The following TBC1D16 variants were observed in gnomAD, a reference collection of about 807,000 sequenced individuals.
The protein encoded by TBC1D16 is TBC1 domain family member 16.
TBC1D16 carries 58 observed loss-of-function variants against 74.7 expected under a neutral mutation model. The observed-to-expected ratio is 0.78, with a 90% CI of 0.63 to 0.97. The LOEUF is 0.97. TBC1D16 is among the 50% of genes least tolerant of loss of function. The probability of loss-of-function intolerance (pLI) is 0.00; values close to 1 mark genes in which losing one functional copy is unlikely to be tolerated. For synonymous variants in TBC1D16, 493 were observed against 474.7 expected (o/e 1.04, Z -0.50); for missense variants, 1,014 against 1,079.5 (o/e 0.94, Z 0.85).
Position 79,981,340 on chromosome 17 carries a change from G to A in TBC1D16, c.780-28522C>T, listed in dbSNP as rs905217228. On this transcript the variant is annotated intron_variant, in intron 3 of 11. Coordinates refer to ENST00000310924, the MANE Select transcript of TBC1D16 (RefSeq NM_019020.4). This position sits in a 1 kb window ranked among gnomAD's most constrained non-coding sequence, Gnocchi z 6.9. Reference sequence around the variant, plus strand: ...AGCAAAATGGCTGTTCACCAGCGGCGGGTATGTTCTTAGACCCTCCATCTG... The same window carrying A: ...AGCAAAATGGCTGTTCACCAGCGGCAGGTATGTTCTTAGACCCTCCATCTG... 3.3e-5 allele frequency among the ~76,000 whole-genome samples: 5 copies of A among 152,172 alleles called. No individual in the cohort carries two copies. The highest frequency in any genetic ancestry group is 6.5e-5 in the Admixed American group (1 of 15,286).
rs2035800941 is a variant in TBC1D16, at chr17:80,009,598, G to A, written c.779+562C>T. ...GTGAATATGGTCAACACTGCCCCGG[G>A]ACTACATCCATCCTCCACAGCTATG... is the stretch of plus-strand genomic sequence containing the variant. On this transcript the variant is annotated intron_variant, in intron 3 of 11. Transcript: ENST00000310924. The surrounding 1 kb of genome is among the most constrained non-coding windows in gnomAD (Gnocchi z 5.4). Among the ~76,000 whole-genome samples, 1 of 152,216 alleles carries A rather than the reference G, an allele frequency of 6.6e-6. No homozygotes were observed. The highest frequency in any genetic ancestry group is 2.4e-5 in the African/African-American group (1 of 41,456).
In TBC1D16 at chr17:80,009,135, C is replaced by T. The variant is rs1056585343; in HGVS notation, c.779+1025G>A. Among the ~76,000 whole-genome samples the T allele has an allele frequency of 6.6e-6, 1 of 152,382 alleles. No homozygotes were observed. Among genetic ancestry groups the T allele is most frequent in the South Asian group, 2.1e-4 (1 of 4,832 alleles). On this transcript the variant is annotated intron_variant, in intron 3 of 11. Coordinates refer to ENST00000310924, the MANE Select transcript of TBC1D16 (RefSeq NM_019020.4). The surrounding 1 kb of genome is among the most constrained non-coding windows in gnomAD (Gnocchi z 5.4). The stretch of plus-strand genomic sequence containing the variant: ...ACCATCCATAGCCCACGGTGTCCAG[C>T]GCCCAGGCGAGACCCAGACCACCCA...
intron 3 of TBC1D16, among the ~76,000 whole-genome samples, chr17:79,965,656 T>C (rs2033812353): frequency 6.6e-6 from 1 of 152,194 alleles, no homozygotes; most frequent in African/African-American, 2.4e-5. Flanking sequence ...CAGGGCAGGA[T>C]GGACAGCTAG....
At position 79,938,256 on chromosome 17, in the gene TBC1D16, T is replaced by G. The variant is rs1168796594; in HGVS notation, c.*2603A>C. 3.3e-5 allele frequency: 5 copies of G among 152,264 alleles called. No homozygotes were observed. The highest frequency in any genetic ancestry group is 5.9e-5 in the Non-Finnish European group (4 of 68,098). 9.4% of individuals were successfully genotyped at this position (152,264 alleles called of 1,614,324 possible). On this transcript the variant is annotated 3_prime_UTR_variant, in exon 12 of 12. Transcript: ENST00000310924. ...CGCCAAGCCCTGAACACCCAGCTCA[T>G]GGCTTCCGAGGTCCTGGCTGGTCCG...
rs1230495818 is a variant in TBC1D16, at chr17:79,944,769, A to C, written c.1908+139T>G. On this transcript the variant is annotated intron_variant, in intron 10 of 11. Transcript: ENST00000310924. This position sits in a 1 kb window ranked among gnomAD's most constrained non-coding sequence, Gnocchi z 7.7. ...CTGAAGCCAGCCACGTGGGACGGGAAGGCAGTCGCCGTATGGGGGGCTAAT... is the reference window on the plus strand; with the variant it reads ...CTGAAGCCAGCCACGTGGGACGGGACGGCAGTCGCCGTATGGGGGGCTAAT... 1.3e-6 allele frequency: 1 copy of C among 772,626 alleles called. No homozygotes were observed. The highest frequency in any genetic ancestry group is 3.0e-5 in the Admixed American group (1 of 33,434). 47.9% of individuals were successfully genotyped at this position (772,626 alleles called of 1,614,324 possible).
At position 79,966,219 on chromosome 17, in the gene TBC1D16, T is replaced by C. The variant is rs2033835398; in HGVS notation, c.780-13401A>G. 2.0e-5 allele frequency among the ~76,000 whole-genome samples: 3 copies of C among 152,196 alleles called. No homozygotes were observed. The South Asian group carries it at 6.2e-4, about 32-fold the overall frequency. ...TCTGTATATGGGTCTACTGTGTCTCTGTTTTCTCTACTTAGAAGGACACCA... is the reference window on the plus strand; with the variant it reads ...TCTGTATATGGGTCTACTGTGTCTCCGTTTTCTCTACTTAGAAGGACACCA... On this transcript the variant is annotated intron_variant, in intron 3 of 11. Coordinates refer to ENST00000310924, the MANE Select transcript of TBC1D16 (RefSeq NM_019020.4).
chr17:79,970,833 C>T (rs545152656), intron 3 of TBC1D16, among the ~76,000 whole-genome samples: 4 of 137,382 alleles, frequency 2.9e-5, no homozygotes, highest in South Asian at 2.3e-4. Flanking sequence ...AGTCCTTGTA[C>T]GAGTCCCAGT....
chr17:79,950,968 T>C lies in TBC1D16; in HGVS notation c.1090-390A>G. On this transcript the variant is annotated intron_variant, in intron 5 of 11. Transcript: ENST00000310924. The surrounding 1 kb of genome is among the most constrained non-coding windows in gnomAD (Gnocchi z 4.6). ...GCGAGCAGGGAGCCAGCCTGTCAGA[T>C]TGCCTCCGCGAGCAGTCACGAATCC... The C allele has an allele frequency of 1.0e-6, 1 of 965,476 alleles. No individual in the cohort carries two copies. Among genetic ancestry groups the C allele is most frequent in the Non-Finnish European group, 1.5e-6 (1 of 677,464 alleles). The allele number at this position is 965,476 out of a possible 1,614,324, so 59.8% of individuals were successfully genotyped here.
intron 10 of TBC1D16, among the ~76,000 whole-genome samples, 192 bp from the exon 11 acceptor site, chr17:79,942,398 A>G (rs2032102529): frequency 1.3e-5 from 2 of 152,024 alleles, no homozygotes; most frequent in Admixed American, 1.3e-4. Flanking sequence ...CCACCTGCAC[A>G]TGGGGTCTGT....
At chr17:79,973,409 T>TA (rs916890932) in intron 3 of TBC1D16, among the ~76,000 whole-genome samples, 5 of 151,674 alleles carry the variant, frequency 3.3e-5, no homozygotes, top group East Asian at 1.9e-4. Context: ...CCCGTCTTTA[T>TA]AAAAAAAATT....
In TBC1D16 at chr17:79,935,852, A is replaced by T. The variant is rs2031551964; in HGVS notation, c.*5007T>A. The T allele has an allele frequency of 6.6e-6, 1 of 152,234 alleles. No individual in the cohort carries two copies. Among genetic ancestry groups the T allele is most frequent in the African/African-American group, 2.4e-5 (1 of 41,454 alleles). The allele number at this position is 152,234 out of a possible 1,614,324, so 9.4% of individuals were successfully genotyped here. ...GAAATTTCATGAAAATTTCCCCTAA[A>T]CCATAACAAAAACTGTCCTCCTTAC... On this transcript the variant is annotated 3_prime_UTR_variant, in exon 12 of 12. Transcript: ENST00000310924.
At chr17:79,997,025 A>C (rs887021531) in intron 3 of TBC1D16, among the ~76,000 whole-genome samples, 47 of 152,218 alleles carry the variant, frequency 3.1e-4, no homozygotes, top group Non-Finnish European at 1.5e-5. Flanking sequence ...AACCAAAAAA[A>C]GTCCATCTCA....
rs1012505398 is a variant in TBC1D16 at position 79,941,133 on chromosome 17, G to A, written c.2056-26C>T. 10 of 1,537,066 alleles carry A rather than the reference G, an allele frequency of 6.5e-6. No homozygotes were observed. The highest frequency in any genetic ancestry group is 7.9e-6 in the Non-Finnish European group (9 of 1,133,418). ...CTGCAGACAGAGGACGGGGGGTGAG[G>A]AGGGGCCGGGGGACAGCCTGGCAGC... On this transcript the variant is annotated intron_variant, in intron 11 of 11. Transcript: ENST00000310924. This position sits in a 1 kb window ranked among gnomAD's most constrained non-coding sequence, Gnocchi z 4.3.
At position 80,035,532 on chromosome 17, in the gene TBC1D16, G is replaced by A. The variant is rs2036956858; in HGVS notation, c.-63+263C>T. ...CGAATTAGGCCCATTCCGGGCCCGGGCGCCCTCACTCGCCGCGGGGAAAAG... is the reference window on the plus strand; with the variant it reads ...CGAATTAGGCCCATTCCGGGCCCGGACGCCCTCACTCGCCGCGGGGAAAAG... On this transcript the variant is annotated intron_variant, in intron 1 of 11. Coordinates refer to ENST00000310924, the MANE Select transcript of TBC1D16 (RefSeq NM_019020.4). The surrounding 1 kb of genome is among the most constrained non-coding windows in gnomAD (Gnocchi z 5.3). Among the ~76,000 whole-genome samples, 1 of 152,002 alleles carries A rather than the reference G, an allele frequency of 6.6e-6. No individual in the cohort carries two copies. Among genetic ancestry groups the A allele is most frequent in the Non-Finnish European group, 1.5e-5 (1 of 67,980 alleles).
chr17:80,010,072 G>T lies in TBC1D16; in HGVS notation c.779+88C>A, dbSNP rs974207162. 2 of 1,123,132 alleles carry T rather than the reference G, an allele frequency of 1.8e-6. No homozygotes were observed. The highest frequency in any genetic ancestry group is 3.1e-5 in the African/African-American group (2 of 63,698). The allele number at this position is 1,123,132 out of a possible 1,614,324, so 69.6% of individuals were successfully genotyped here. ...GGCAGATGCCTCCAGCGCTCACCTGGCATCACAGGTGACGCAGGTGAGTGC... is the reference window on the plus strand; with the variant it reads ...GGCAGATGCCTCCAGCGCTCACCTGTCATCACAGGTGACGCAGGTGAGTGC... On this transcript the variant is annotated intron_variant, in intron 3 of 11. Transcript: ENST00000310924. The surrounding 1 kb of genome is among the most constrained non-coding windows in gnomAD (Gnocchi z 8.8).
At chr17:80,006,338 A>G (rs1464069272) in intron 3 of TBC1D16, among the ~76,000 whole-genome samples, 2 of 152,020 alleles carry the variant, frequency 1.3e-5, no homozygotes, top group Non-Finnish European at 2.9e-5. Context: ...GCGCCACCCC[A>G]GCGATCCTAG....
At chr17:79,955,726 T>C (rs867903308) in intron 3 of TBC1D16, among the ~76,000 whole-genome samples, 1 of 152,216 alleles carries the variant, frequency 6.6e-6, no homozygotes, top group Non-Finnish European at 1.5e-5. Flanking sequence ...TAGCAGTTCT[T>C]CATTTCTATC....
chr17:79,941,133 G>T lies in TBC1D16; in HGVS notation c.2056-26C>A. On this transcript the variant is annotated intron_variant, in intron 11 of 11. Transcript: ENST00000310924. This position sits in a 1 kb window ranked among gnomAD's most constrained non-coding sequence, Gnocchi z 4.3. The stretch of plus-strand genomic sequence containing the variant: ...CTGCAGACAGAGGACGGGGGGTGAG[G>T]AGGGGCCGGGGGACAGCCTGGCAGC... 1 of 1,537,184 alleles carries T rather than the reference G, an allele frequency of 6.5e-7. No homozygotes were observed. Among genetic ancestry groups the T allele is most frequent in the Admixed American group, 1.9e-5 (1 of 52,844 alleles).
intron 1 of TBC1D16, among the ~76,000 whole-genome samples, chr17:80,027,226 T>C (rs1317852774): frequency 6.6e-6 from 1 of 151,862 alleles, no homozygotes; most frequent in Non-Finnish European, 1.5e-5. Flanking sequence ...GTTTCGGGAG[T>C]CCGAGGTGGG....
Sources: allele counts gnomAD v4.1 joint callset (sites outside exome capture counted in the v4.1 genomes callset), GRCh38; gene constraint gnomAD v4.1.1; non-coding constraint Gnocchi (gnomAD v3.1); transcripts MANE v1.5; gene names NCBI Gene and HGNC (gene_info 2026-07-23, HGNC 2026-07-21).